KCNIP4: variants seen among roughly 807,000 people sequenced by gnomAD.
The protein encoded by KCNIP4 is potassium voltage-gated channel interacting protein 4.
KCNIP4 carries 12 observed loss-of-function variants against 34.0 expected under a neutral mutation model. The ratio of observed to expected loss-of-function variants is 0.35; its 90% confidence interval spans 0.23 to 0.57. The LOEUF (loss-of-function observed/expected upper bound fraction) is 0.57. Among genes scored for constraint, KCNIP4 ranks in the 20% least tolerant of loss-of-function variants. The pLI is 0.83. For missense variants in KCNIP4, 238 were observed against 311.7 expected (o/e 0.76, Z 1.78); for synonymous variants, 124 against 102.2 (o/e 1.21, Z -1.29).
intron 1 of KCNIP4, among the ~76,000 whole-genome samples, chr4:21,923,651 T>C (rs541956498): frequency 4.9e-4 from 74 of 152,220 alleles, no homozygotes; most frequent in African/African-American, 1.6e-3. Flanking sequence ...GTTCTTCAAG[T>C]TCAAGGGGCT....
At chr4:20,959,519 C>T (rs1326177511) in intron 1 of KCNIP4, among the ~76,000 whole-genome samples, 1 of 152,194 alleles carries the variant, frequency 6.6e-6, no homozygotes, top group Non-Finnish European at 1.5e-5. Context: ...TTAAAATTCT[C>T]TCTCCTTCTA....
chr4:20,943,294 T>G (rs1339379480), intron 1 of KCNIP4, among the ~76,000 whole-genome samples: 1 of 152,162 alleles, frequency 6.6e-6, no homozygotes, highest in African/African-American at 2.4e-5. Context: ...CTACAAATGC[T>G]CTTAGAAAGC....
At chr4:21,226,247 GAGGGA>G (rs1560190775) in intron 1 of KCNIP4, among the ~76,000 whole-genome samples, 18 of 76,558 alleles carry the variant, frequency 2.4e-4, no homozygotes, top group African/African-American at 7.3e-4. Context: ...GGGAGGGGGG[GAGGGA>G]GGGAGGGAGG....
chr4:21,786,940 A>C (rs1316260055), intron 1 of KCNIP4, among the ~76,000 whole-genome samples: 3 of 152,104 alleles, frequency 2.0e-5, no homozygotes, highest in Non-Finnish European at 2.9e-5. Context: ...TAGCCTAAGA[A>C]CTTGGAAACC....
intron 1 of KCNIP4, among the ~76,000 whole-genome samples, chr4:21,666,800 A>G (rs898088979): frequency 6.6e-6 from 1 of 152,206 alleles, no homozygotes; most frequent in Non-Finnish European, 1.5e-5. Flanking sequence ...TCTTTTTAAA[A>G]GATACGCTTC....
chr4:21,293,687 T>C lies in KCNIP4; in HGVS notation c.62-410978A>G, dbSNP rs116150662. 2.2e-3 allele frequency among the ~76,000 whole-genome samples: 336 copies of C among 152,302 alleles called. 3 individuals are homozygous for C. Among genetic ancestry groups the C allele is most frequent in the African/African-American group, 7.3e-3 (305 of 41,562 alleles). On this transcript the variant is annotated intron_variant, in intron 1 of 8. Coordinates refer to ENST00000382152, the MANE Select transcript of KCNIP4 (RefSeq NM_025221.6). The stretch of plus-strand genomic sequence containing the variant: ...TAAGAAAAGACAAGATCTTTTAAGA[T>C]TACAACAGGAGCAGATCTTGGTATT...
In KCNIP4 at chr4:20,740,187, G is replaced by A. The variant is rs185131433; in HGVS notation, c.430-5452C>T. Among the ~76,000 whole-genome samples, 521 of 152,146 alleles carry A rather than the reference G, an allele frequency of 3.4e-3. 3 individuals are homozygous for A. The highest frequency in any genetic ancestry group is 5.9e-3 in the Non-Finnish European group (402 of 68,000). On this transcript the variant is annotated intron_variant, in intron 5 of 8. Coordinates refer to ENST00000382152, the MANE Select transcript of KCNIP4 (RefSeq NM_025221.6). ...CAGGATATTATCCAGGAGAACTTGCGCAACCTAGCAAGTCAGGCCAACATT... is the reference window on the plus strand; with the variant it reads ...CAGGATATTATCCAGGAGAACTTGCACAACCTAGCAAGTCAGGCCAACATT...
At chr4:21,874,843 T>G (rs1726015642) in intron 1 of KCNIP4, among the ~76,000 whole-genome samples, 1 of 152,208 alleles carries the variant, frequency 6.6e-6, no homozygotes. Context: ...TGTATAAATT[T>G]CTAATTTCTA....
rs1264823877 is a variant in KCNIP4, at chr4:20,748,558, TTTTATATATATATATATATATATA to T, written c.429+1080_429+1103del. Among the ~76,000 whole-genome samples, 692 of 118,554 alleles carry T rather than the reference TTTTATATATATATATATATATATA, an allele frequency of 5.8e-3. 10 individuals are homozygous for T. Among genetic ancestry groups the T allele is most frequent in the African/African-American group, 0.019 (618 of 32,192 alleles). 77.8% of individuals were successfully genotyped at this position (118,554 alleles called of 152,430 possible). Reference sequence around the variant, plus strand: ...TCCAAAAATAAATGCACCTTCCAAATTTTATATATATATATATATATATATATATATATATATATATATATATTC... The same window carrying T: ...TCCAAAAATAAATGCACCTTCCAAATTATATATATATATATATATATATTC... On this transcript the variant is annotated intron_variant, in intron 5 of 8. Coordinates refer to ENST00000382152, the MANE Select transcript of KCNIP4 (RefSeq NM_025221.6).
intron 1 of KCNIP4, among the ~76,000 whole-genome samples, chr4:20,956,376 G>A (rs575605220): frequency 1.1e-4 from 17 of 151,988 alleles, no homozygotes; most frequent in African/African-American, 4.1e-4. Context: ...GTGGTGGCGG[G>A]TGCCCGTGGT....
intron 1 of KCNIP4, among the ~76,000 whole-genome samples, chr4:21,444,672 C>T (rs1477852232): frequency 6.6e-6 from 1 of 152,120 alleles, no homozygotes; most frequent in South Asian, 2.1e-4. Context: ...CAATATCATA[C>T]TGAATGGGCA....
intron 1 of KCNIP4, among the ~76,000 whole-genome samples, chr4:20,963,645 A>T (rs1229225434): frequency 6.6e-6 from 1 of 152,198 alleles, no homozygotes; most frequent in Admixed American, 6.5e-5. Flanking sequence ...AAACTAAGTA[A>T]AAAGAAATTA....
At chr4:21,289,793 G>A (rs771824269) in intron 1 of KCNIP4, among the ~76,000 whole-genome samples, 3 of 152,130 alleles carry the variant, frequency 2.0e-5, no homozygotes, top group Non-Finnish European at 4.4e-5. Context: ...AGAAGCTGCT[G>A]CTAGGGAAAT....
chr4:21,509,660 T>C (rs1734138845), intron 1 of KCNIP4, among the ~76,000 whole-genome samples: 1 of 152,210 alleles, frequency 6.6e-6, no homozygotes, highest in South Asian at 2.1e-4. Flanking sequence ...CCTGACTTAA[T>C]GCCTACATAG....
intron 1 of KCNIP4, among the ~76,000 whole-genome samples, chr4:21,023,395 A>G (rs1403732622): frequency 6.6e-6 from 1 of 152,170 alleles, no homozygotes; most frequent in Non-Finnish European, 1.5e-5. Context: ...AACCCACAAA[A>G]TGGGGAAAAA....
chr4:21,134,512 G>A (rs1209650087), intron 1 of KCNIP4, among the ~76,000 whole-genome samples: 2 of 152,068 alleles, frequency 1.3e-5, no homozygotes, highest in Non-Finnish European at 2.9e-5. Context: ...TGCAAACGGG[G>A]GTCAGCATCC....
chr4:20,998,879 C>T (rs1737805429), intron 1 of KCNIP4, among the ~76,000 whole-genome samples: 1 of 152,152 alleles, frequency 6.6e-6, no homozygotes. Flanking sequence ...GACAATTCAA[C>T]AAGTATTATT....
At chr4:21,312,768 T>C (rs1416276183) in intron 1 of KCNIP4, among the ~76,000 whole-genome samples, 1 of 152,124 alleles carries the variant, frequency 6.6e-6, no homozygotes. Flanking sequence ...CCAACTTTAG[T>C]AGAGACAGAG....
rs557582186 is a variant in KCNIP4 at position 21,241,448 on chromosome 4, A to G, written c.62-358739T>C. Among the ~76,000 whole-genome samples the G allele has an allele frequency of 1.2e-4, 19 of 152,324 alleles. No individual in the cohort carries two copies. The South Asian group carries it at 3.7e-3, about 30-fold the overall frequency. ...ATTCTTTGACATTCACAGAGGGGTT[A>G]GAATCAAGTCAGAGGCTAATGGCTG... On this transcript the variant is annotated intron_variant, in intron 1 of 8. Coordinates refer to ENST00000382152, the MANE Select transcript of KCNIP4 (RefSeq NM_025221.6).
Sources: gnomAD v4.1 joint callset for allele counts (sites outside exome capture counted in the v4.1 genomes callset) on GRCh38, gnomAD v4.1.1 for gene constraint, MANE v1.5 for transcripts, NCBI Gene and HGNC (gene_info 2026-07-23, HGNC 2026-07-21) for gene names.